LARGE1: variants seen among roughly 807,000 people sequenced by gnomAD.
LARGE1 encodes the protein LARGE xylosyl- and glucuronyltransferase 1, also known as xylosyl- and glucuronyltransferase LARGE1.
LARGE1 carries 43 observed loss-of-function variants against 87.6 expected under a neutral mutation model. The ratio of observed to expected loss-of-function variants is 0.49; its 90% CI spans 0.38 to 0.63. The LOEUF is 0.63. LARGE1 is among the 30% of genes least tolerant of loss of function. The probability of loss-of-function intolerance (pLI) is 0.00; values close to 1 mark genes in which losing one functional copy is unlikely to be tolerated. For missense variants in LARGE1, 802 were observed against 1,000.2 expected (o/e 0.80, Z 2.67); for synonymous variants, 434 against 394.6 (o/e 1.10, Z -1.18).
rs182585308 is a variant in LARGE1, at chr22:33,187,841, G to A, written c.1731-21009C>T. On this transcript the variant is annotated intron_variant, in intron 11 of 11. Transcript: ENST00000608642. ...CGGGAGGCTGAGGCAGAAGAATGGC[G>A]TAAACCCAGGAGGTGGAGTTTGCAG... 2.2e-4 allele frequency among the ~76,000 whole-genome samples: 30 copies of A among 138,688 alleles called. 1 individual carries two copies. Among genetic ancestry groups the A allele is most frequent in the South Asian group, 1.9e-3 (8 of 4,236 alleles). The allele number at this position is 138,688 out of a possible 152,430, so 91.0% of individuals were successfully genotyped here. A position where few individuals can be genotyped will look rare whatever the true frequency, so the allele number is the denominator to read the frequency against.
chr22:33,094,738 G>A, the LARGE1 span, among the ~76,000 whole-genome samples: 6 of 152,214 alleles, frequency 3.9e-5, no homozygotes, highest in East Asian at 1.2e-3. Flanking sequence ...TTGGTTTTGA[G>A]ACAGAGTTTC....
At chr22:33,534,394 ACT>A (rs2076984215) in intron 6 of LARGE1, among the ~76,000 whole-genome samples, 2 of 149,476 alleles carry the variant, frequency 1.3e-5, no homozygotes, top group Admixed American at 1.3e-4. Context: ...ACAGAGCAAG[ACT>A]CTGTCTCAAA....
intron 2 of LARGE1, among the ~76,000 whole-genome samples, chr22:33,758,634 G>T (rs564397240): frequency 2.6e-5 from 4 of 152,140 alleles, no homozygotes; most frequent in African/African-American, 9.7e-5. Context: ...CTGCCAGTCT[G>T]GTGAAATTGC....
At chr22:33,489,260 G>A (rs558830741) in intron 6 of LARGE1, among the ~76,000 whole-genome samples, 3 of 152,340 alleles carry the variant, frequency 2.0e-5, no homozygotes, top group South Asian at 2.1e-4. Flanking sequence ...ATGTGTGGTC[G>A]TGGAGGGAGA....
intron 11 of LARGE1, among the ~76,000 whole-genome samples, chr22:33,247,812 C>A (rs1466756286): frequency 1.3e-5 from 2 of 152,164 alleles, no homozygotes; most frequent in African/African-American, 4.8e-5. Context: ...TCAAGCTAGA[C>A]ATAGATAACC....
At chr22:33,299,770 G>A (rs1933893326) in intron 12 of LARGE1, among the ~76,000 whole-genome samples, 1 of 152,194 alleles carries the variant, frequency 6.6e-6, no homozygotes, top group Non-Finnish European at 1.5e-5. Context: ...GTGGAACCTG[G>A]CTTCAAAGGC....
intron 4 of LARGE1, among the ~76,000 whole-genome samples, chr22:33,607,461 C>CA (rs1217376084): frequency 0.27 from 15,573 of 57,540 alleles, 3,009 homozygotes; most frequent in African/African-American, 0.49. Context: ...AACTGCATCT[C>CA]AAAAAAAAAA....
At chr22:33,798,366 G>A (rs932518604) in intron 1 of LARGE1, among the ~76,000 whole-genome samples, 5 of 152,182 alleles carry the variant, frequency 3.3e-5, no homozygotes, top group African/African-American at 9.7e-5. Context: ...GAAATAGTGA[G>A]TATAGGTATT....
At chr22:33,377,880 C>A (rs2065037548) in intron 9 of LARGE1, among the ~76,000 whole-genome samples, 1 of 152,194 alleles carries the variant, frequency 6.6e-6, no homozygotes, top group Non-Finnish European at 1.5e-5. Context: ...ATATCTTTCA[C>A]TTCTAAAAAT....
chr22:33,461,171 G>C (rs1356077130), intron 6 of LARGE1, among the ~76,000 whole-genome samples: 1 of 152,138 alleles, frequency 6.6e-6, no homozygotes, highest in Admixed American at 6.5e-5. Context: ...ATAGGAAGTA[G>C]GTGGTGGTTT....
chr22:33,567,461 T>C (rs1456178628), intron 5 of LARGE1, among the ~76,000 whole-genome samples: 1 of 152,178 alleles, frequency 6.6e-6, no homozygotes, highest in African/African-American at 2.4e-5. Flanking sequence ...GTGGGATGTA[T>C]GCAGGAGAGC....
intron 6 of LARGE1, among the ~76,000 whole-genome samples, chr22:33,507,354 G>A (rs1319071213): frequency 6.6e-6 from 1 of 152,132 alleles, no homozygotes; most frequent in Non-Finnish European, 1.5e-5. Flanking sequence ...GTCCTGAAGT[G>A]TATGCCCAGG....
intron 6 of LARGE1, among the ~76,000 whole-genome samples, chr22:33,515,635 C>A (rs1322744504): frequency 6.6e-6 from 1 of 152,142 alleles, no homozygotes; most frequent in Admixed American, 6.5e-5. Flanking sequence ...AAAAGCTACC[C>A]CAGAAACCCC....
At chr22:33,278,198 G>A (rs1285144335) in intron 13 of LARGE1, among the ~76,000 whole-genome samples, 1 of 152,172 alleles carries the variant, frequency 6.6e-6, no homozygotes, top group African/African-American at 2.4e-5. Context: ...AAATTAACTA[G>A]ACTCTAGGAG....
rs2413178 is a variant in LARGE1, at chr22:33,338,351, C to T, written c.1132-550G>A. 2.6e-5 allele frequency among the ~76,000 whole-genome samples: 4 copies of T among 152,270 alleles called. No homozygotes were observed. In the East Asian group the frequency reaches 7.8e-4, roughly 30 times the overall value. ...CATCCATTCTGCAGTTTTTCCCACACTCAGAACACGCTTCGCTGTCCCTAC... is the reference window on the plus strand; with the variant it reads ...CATCCATTCTGCAGTTTTTCCCACATTCAGAACACGCTTCGCTGTCCCTAC... On this transcript the variant is annotated intron_variant, in intron 9 of 14. Transcript: ENST00000397394.
At chr22:33,358,483 TCTAA>T (rs1180329593) in intron 9 of LARGE1, among the ~76,000 whole-genome samples, 6 of 152,316 alleles carry the variant, frequency 3.9e-5, no homozygotes, top group South Asian at 2.1e-4. Flanking sequence ...CTGACACAAC[TCTAA>T]CTATTATAAA....
At chr22:33,681,119 G>C (rs2081757668) in intron 2 of LARGE1, among the ~76,000 whole-genome samples, 1 of 151,986 alleles carries the variant, frequency 6.6e-6, no homozygotes, top group Non-Finnish European at 1.5e-5. Flanking sequence ...TATTTATATT[G>C]CTAGAAAAGC....
intron 1 of LARGE1, among the ~76,000 whole-genome samples, chr22:33,865,468 G>T (rs1568997544): frequency 6.6e-6 from 1 of 152,170 alleles, no homozygotes; most frequent in Non-Finnish European, 1.5e-5. Context: ...GAGTCATTTG[G>T]TGGGAACAGT....
chr22:33,312,438 CAAAAAAA>C (rs370832626), intron 11 of LARGE1, among the ~76,000 whole-genome samples: 1 of 56,392 alleles, frequency 1.8e-5, no homozygotes, highest in African/African-American at 5.7e-5. Flanking sequence ...GACTCTGTCT[CAAAAAAA>C]AAAAAAAAAA....
Sources: allele counts gnomAD v4.1 joint callset (sites outside exome capture counted in the v4.1 genomes callset), GRCh38; gene constraint gnomAD v4.1.1; transcripts MANE v1.5; gene names NCBI Gene and HGNC (gene_info 2026-07-23, HGNC 2026-07-21).